The following CSMD1 variants were observed in gnomAD, a reference collection of about 807,000 sequenced individuals.
CSMD1 encodes CUB and sushi domain-containing protein 1.
In CSMD1, 213 loss-of-function variants were observed where a neutral mutation model predicts 417.5. The ratio of observed to expected loss-of-function variants is 0.51; its 90% CI spans 0.46 to 0.57. CSMD1 has a LOEUF of 0.57. CSMD1 is among the 20% of genes least tolerant of loss of function. The pLI, the probability that CSMD1 is intolerant of heterozygous loss-of-function variation, is 0.00. For synonymous variants in CSMD1, 2,862 were observed against 1,736.8 expected, an observed-to-expected ratio of 1.65 and a Z score of -16.11; for missense variants, 6,923 against 4,529.7, an observed-to-expected ratio of 1.53 and a Z score of -15.17.
At chr8:4,980,859 G>T (rs545091835) in intron 1 of CSMD1, among the ~76,000 whole-genome samples, 2 of 151,534 alleles carry the variant, frequency 1.3e-5, no homozygotes, top group Non-Finnish European at 2.9e-5. Flanking sequence ...AGCGAAGATC[G>T]CACCACTGCA....
chr8:4,930,369 GCA>G (rs370447060), intron 1 of CSMD1, among the ~76,000 whole-genome samples: 20 of 151,192 alleles, frequency 1.3e-4, no homozygotes, highest in Non-Finnish European at 2.2e-4. Flanking sequence ...ATAGGTGCGC[GCA>G]CACACACACA....
At chr8:3,473,540 T>C (rs1817229130) in intron 11 of CSMD1, among the ~76,000 whole-genome samples, 1 of 152,212 alleles carries the variant, frequency 6.6e-6, no homozygotes, top group South Asian at 2.1e-4. Flanking sequence ...ATATTATTTC[T>C]TTAAAACAAA....
intron 2 of CSMD1, among the ~76,000 whole-genome samples, chr8:4,575,421 C>T (rs1283326414): frequency 1.3e-5 from 2 of 151,964 alleles, no homozygotes; most frequent in Non-Finnish European, 2.9e-5. Context: ...GAACCATTTC[C>T]ACTACATATT....
intron 7 of CSMD1, among the ~76,000 whole-genome samples, chr8:3,664,160 C>T (rs776966285): frequency 6.6e-6 from 1 of 152,056 alleles, no homozygotes; most frequent in African/African-American, 2.4e-5. Flanking sequence ...TTAGGTATTT[C>T]CCCTAATACT....
In CSMD1 at chr8:3,321,909, G is replaced by T. The variant is rs369508192; in HGVS notation, c.3632-13406C>A. On this transcript the variant is annotated intron_variant, in intron 23 of 69. Transcript: ENST00000635120. Reference sequence around the variant, plus strand: ...ACTCAACCAGAAATATGCAATTAGGGGAATTTCAGAATGGATTCAGTATTA... The same window carrying T: ...ACTCAACCAGAAATATGCAATTAGGTGAATTTCAGAATGGATTCAGTATTA... 3.3e-5 allele frequency among the ~76,000 whole-genome samples: 5 copies of T among 152,104 alleles called. No homozygotes were observed. In the South Asian group the frequency reaches 1.0e-3, roughly 32 times the overall value.
chr8:4,582,306 G>C (rs1274690149), intron 2 of CSMD1, among the ~76,000 whole-genome samples: 1 of 152,144 alleles, frequency 6.6e-6, no homozygotes, highest in Non-Finnish European at 1.5e-5. Context: ...CTTGTTATCA[G>C]ACCAAGTCTC....
At chr8:4,598,016 G>T (rs1054770312) in intron 2 of CSMD1, among the ~76,000 whole-genome samples, 1 of 151,414 alleles carries the variant, frequency 6.6e-6, no homozygotes, top group African/African-American at 2.4e-5. Context: ...TAGATATAAG[G>T]TTCTTTAGAA....
chr8:3,716,003 T>C (rs1801809282), intron 6 of CSMD1, among the ~76,000 whole-genome samples: 1 of 152,176 alleles, frequency 6.6e-6, no homozygotes, highest in African/African-American at 2.4e-5. Flanking sequence ...CTCTCTTAAA[T>C]CTCATCAGCT....
At chr8:4,279,940 A>G (rs901999397) in intron 3 of CSMD1, among the ~76,000 whole-genome samples, 1 of 152,236 alleles carries the variant, frequency 6.6e-6, no homozygotes, top group African/African-American at 2.4e-5. Flanking sequence ...ACAAATCACA[A>G]GAAAAGTACA....
chr8:4,395,292 G>A (rs1031120533), intron 3 of CSMD1, among the ~76,000 whole-genome samples: 6 of 152,156 alleles, frequency 3.9e-5, no homozygotes, highest in Non-Finnish European at 7.3e-5. Flanking sequence ...AAGGGCTTTT[G>A]CTAATTCTTC....
chr8:3,202,454 T>G (rs1797039407), intron 31 of CSMD1, among the ~76,000 whole-genome samples: 1 of 152,210 alleles, frequency 6.6e-6, no homozygotes, highest in Admixed American at 6.5e-5. Flanking sequence ...TGAACACACC[T>G]CCTCCAAGTG....
In CSMD1 at chr8:4,334,743, C is replaced by T. The variant is rs558599900; in HGVS notation, c.415+85210G>A. Among the ~76,000 whole-genome samples the T allele has an allele frequency of 8.5e-5, 13 of 152,250 alleles. No homozygotes were observed. In the East Asian group the frequency reaches 1.2e-3, roughly 14 times the overall value. ...TATTTGCATAGATACTTGAACGATACGCTCGACTCTACTGTGTAGTTGAAT... is the reference window on the plus strand; with the variant it reads ...TATTTGCATAGATACTTGAACGATATGCTCGACTCTACTGTGTAGTTGAAT... On this transcript the variant is annotated intron_variant, in intron 3 of 69. Transcript: ENST00000635120.
At chr8:3,765,550 T>C (rs992647466) in intron 5 of CSMD1, among the ~76,000 whole-genome samples, 1 of 152,242 alleles carries the variant, frequency 6.6e-6, no homozygotes, top group Admixed American at 6.5e-5. Context: ...GTATTCTGTA[T>C]GCACTAAAGC....
intron 5 of CSMD1, among the ~76,000 whole-genome samples, chr8:3,850,198 T>C (rs1563143478): frequency 1.3e-5 from 2 of 152,260 alleles, no homozygotes; most frequent in Non-Finnish European, 2.9e-5. Context: ...TGAGACTGTT[T>C]ACACTTTTCT....
At chr8:4,451,072 G>T (rs1310099992) in intron 2 of CSMD1, among the ~76,000 whole-genome samples, 1 of 152,134 alleles carries the variant, frequency 6.6e-6, no homozygotes, top group East Asian at 1.9e-4. Context: ...CAATAAGTCA[G>T]TCAAGCACTT....
chr8:4,218,010 A>T (rs1202129800), intron 3 of CSMD1, among the ~76,000 whole-genome samples: 2 of 152,132 alleles, frequency 1.3e-5, no homozygotes, highest in Non-Finnish European at 1.5e-5. Context: ...AACCTCACAA[A>T]AAGAAAACCT....
intron 1 of CSMD1, among the ~76,000 whole-genome samples, chr8:4,758,911 T>C (rs1405535165): frequency 2.0e-5 from 3 of 152,034 alleles, no homozygotes; most frequent in African/African-American, 4.8e-5. Context: ...CATCATTCAG[T>C]GGTGAGGGAT....
intron 2 of CSMD1, among the ~76,000 whole-genome samples, chr8:4,557,887 A>G (rs558662267): frequency 6.6e-6 from 1 of 152,282 alleles, no homozygotes; most frequent in Non-Finnish European, 1.5e-5. Context: ...CGGACAGTGT[A>G]AAGATGACGT....
chr8:3,621,956 G>A (rs147819318), intron 7 of CSMD1, among the ~76,000 whole-genome samples: 1 of 147,564 alleles, frequency 6.8e-6, no homozygotes, highest in Admixed American at 6.9e-5. Flanking sequence ...TGTTACTTCT[G>A]TCTTATGTCT....
Sources: gnomAD v4.1 joint callset for allele counts (sites outside exome capture counted in the v4.1 genomes callset) on GRCh38, gnomAD v4.1.1 for gene constraint, MANE v1.5 for transcripts, NCBI Gene and HGNC (gene_info 2026-07-23, HGNC 2026-07-21) for gene names.